The following NSD2 variants were observed in gnomAD, a reference collection of about 807,000 sequenced individuals.
NSD2 encodes histone-lysine N-methyltransferase NSD2.
A neutral mutation model predicts 139.0 loss-of-function variants in NSD2; 12 were observed. The ratio of observed to expected loss-of-function variants is 0.09; its 90% CI spans 0.06 to 0.14. The LOEUF is 0.14. NSD2 is among the 10% of genes least tolerant of loss of function. NSD2 has a pLI of 1.00. For missense variants in NSD2, 1,155 were observed against 1,745.0 expected, an observed-to-expected ratio of 0.66 and a Z score of 6.02; for synonymous variants, 669 against 648.7, an observed-to-expected ratio of 1.03 and a Z score of -0.48.
At chr4:1,907,877 A>G (rs1206575126) in intron 3 of NSD2, among the ~76,000 whole-genome samples, 1 of 152,068 alleles carries the variant, frequency 6.6e-6, no homozygotes, top group Admixed American at 6.6e-5. Context: ...TCCCAATGGG[A>G]TTACAGGCAT....
chr4:1,873,347 TG>T (rs1483574547), intron 1 of NSD2, among the ~76,000 whole-genome samples: 38 of 152,320 alleles, frequency 2.5e-4, no homozygotes, highest in African/African-American at 8.9e-4. Flanking sequence ...TTTGAAAGAA[TG>T]ATGGACAATT....
Position 1,946,392 on chromosome 4 carries a change from C to T in NSD2, c.1882-4680C>T, listed in dbSNP as rs371886313. The T allele has an allele frequency of 6.9e-4, 308 of 444,832 alleles. 5 individuals are homozygous for T. In the South Asian group the frequency reaches 0.025, roughly 37 times the overall value. 27.6% of individuals were successfully genotyped at this position (444,832 alleles called of 1,614,324 possible). On this transcript the variant is annotated intron_variant, in intron 9 of 21. Coordinates refer to ENST00000508803, the MANE Select transcript of NSD2 (RefSeq NM_001042424.3). ...CAGCAATTCTTCTGCCTCAGCCTCC[C>T]GAGTAGCTGGGACTACAAGCGGCTG... is the stretch of plus-strand genomic sequence containing the variant.
At chr4:1,969,728 G>A (rs972904155) in intron 18 of NSD2, among the ~76,000 whole-genome samples, 1 of 152,006 alleles carries the variant, frequency 6.6e-6, no homozygotes, top group Admixed American at 6.6e-5. Context: ...ACAAAATCCT[G>A]ACCCAAAACA....
chr4:1,949,757 C>T (rs1724017627), intron 9 of NSD2, among the ~76,000 whole-genome samples: 1 of 146,760 alleles, frequency 6.8e-6, no homozygotes, highest in South Asian at 2.2e-4. Flanking sequence ...GAGCAAGACT[C>T]TGTCTCGAGA....
chr4:1,898,321 G>A (rs1405512837), intron 1 of NSD2, among the ~76,000 whole-genome samples: 1 of 152,084 alleles, frequency 6.6e-6, no homozygotes, highest in African/African-American at 2.4e-5. Flanking sequence ...TCCTGGACTT[G>A]AGTGATCCTC....
At chr4:1,903,005 T>G (rs1717386692) in intron 2 of NSD2, among the ~76,000 whole-genome samples, 2 of 151,956 alleles carry the variant, frequency 1.3e-5, no homozygotes, top group African/African-American at 2.4e-5. Flanking sequence ...CGAGACCCGG[T>G]CTCTATAAAA....
intron 1 of NSD2, among the ~76,000 whole-genome samples, chr4:1,888,199 G>A (rs1261406365): frequency 1.3e-5 from 2 of 152,020 alleles, no homozygotes; most frequent in Admixed American, 1.3e-4. Context: ...GATCACCTGA[G>A]GTCAGGAGTT....
intron 17 of NSD2, among the ~76,000 whole-genome samples, 166 bp downstream of exon 17, chr4:1,959,906 G>A (rs562923839): frequency 6.6e-5 from 10 of 152,074 alleles, no homozygotes; most frequent in Non-Finnish European, 1.5e-4. Flanking sequence ...TGTCATCTAG[G>A]CTGGAGGGCA....
chr4:1,951,287 C>T, intron 10 of NSD2, 84 bp downstream of exon 10: 1 of 1,568,164 alleles, frequency 6.4e-7, no homozygotes, highest in Non-Finnish European at 8.7e-7. Context: ...AGTGTCTTTT[C>T]CCTTCCCACC....
chr4:1,948,136 A>AG lies in NSD2; in HGVS notation c.1882-2935dup. The AG allele has an allele frequency of 9.4e-7, 1 of 1,061,576 alleles. No individual in the cohort carries two copies. The highest frequency in any genetic ancestry group is 1.1e-6 in the Non-Finnish European group (1 of 876,644). The allele number at this position is 1,061,576 out of a possible 1,614,324, so 65.8% of individuals were successfully genotyped here. On this transcript the variant is annotated intron_variant, in intron 9 of 21. Coordinates refer to ENST00000508803, the MANE Select transcript of NSD2 (RefSeq NM_001042424.3). The surrounding 1 kb of genome is among the most constrained non-coding windows in gnomAD (Gnocchi z 4.5). ...CTTATTCTGAGTAGAGAGTGGAGAA[A>AG]GTATTTTCAGACTGAAGAAAACTTT...
intron 17 of NSD2, among the ~76,000 whole-genome samples, chr4:1,960,019 C>A (rs754194889): frequency 6.6e-6 from 1 of 151,992 alleles, no homozygotes; most frequent in Non-Finnish European, 1.5e-5. Flanking sequence ...TTTGACCATG[C>A]CCTAATAATT....
chr4:1,945,545 A>C (rs1723536292), intron 9 of NSD2: 1 of 1,065,208 alleles, frequency 9.4e-7, no homozygotes. Context: ...ATGATAAGAA[A>C]GTGCTCCTGA....
chr4:1,931,630 G>A (rs1721644758), intron 6 of NSD2, among the ~76,000 whole-genome samples: 1 of 152,140 alleles, frequency 6.6e-6, no homozygotes. Flanking sequence ...GGGCCCAGAA[G>A]CGAAAGGGTC....
rs1353828272 is a variant in NSD2 at position 1,955,404 on chromosome 4, C to T, written c.2518+64C>T. 1 of 1,533,102 alleles carries T rather than the reference C, an allele frequency of 6.5e-7. No homozygotes were observed. Among genetic ancestry groups the T allele is most frequent in the Non-Finnish European group, 8.8e-7 (1 of 1,136,284 alleles). The allele number at this position is 1,533,102 out of a possible 1,614,324, so 95.0% of individuals were successfully genotyped here. ...CACTCCCAGGAGCCACATATCAAGG[C>T]AGGCTCATTCCTTGTCTGCGCTGTG... On this transcript the variant is annotated intron_variant, in intron 13 of 21. Coordinates refer to ENST00000508803, the MANE Select transcript of NSD2 (RefSeq NM_001042424.3). This position sits in a 1 kb window ranked among gnomAD's most constrained non-coding sequence, Gnocchi z 4.7.
rs752161799 is a variant in NSD2, at chr4:1,978,862, A to G, written c.4051A>G (p.Lys1351Glu). ...PPPEPGKPKGKRRRRRGWRRV... is the reference protein window; with the variant it reads ...PPPEPGKPKGERRRRRGWRRV... ...CCCAGAGCCAGGGAAGCCGAAGGGG[A>G]AGAGGCGGCGGCGGAGGGGCTGGCG... The change falls in exon 22 of 22, where the codon AAG (lysine) becomes GAG (glutamate). Residue 1351 changes from lysine (K) to glutamate (E), a missense_variant. By Grantham distance (56) the Lys-to-Glu change is moderately conservative. Transcript: ENST00000508803. 3 of 1,597,976 alleles carry G rather than the reference A, an allele frequency of 1.9e-6. No individual in the cohort carries two copies. Among genetic ancestry groups the G allele is most frequent in the Non-Finnish European group, 2.6e-6 (3 of 1,169,550 alleles).
chr4:1,930,567 C>G (rs895233488), intron 5 of NSD2, 59 bp from the exon 6 acceptor site: 12 of 1,507,544 alleles, frequency 8.0e-6, no homozygotes, highest in Non-Finnish European at 9.8e-6. Flanking sequence ...TCATGCAAAA[C>G]AAAACCCAAT....
intron 1 of NSD2, among the ~76,000 whole-genome samples, chr4:1,873,429 G>A (rs1010975109): frequency 5.3e-5 from 8 of 152,168 alleles, no homozygotes; most frequent in Admixed American, 2.0e-4. Flanking sequence ...AAATTATAAG[G>A]TCAGCAGGCT....
chr4:1,929,644 CTGT>C (rs1361123167), intron 5 of NSD2, among the ~76,000 whole-genome samples: 4 of 152,168 alleles, frequency 2.6e-5, no homozygotes, highest in Non-Finnish European at 5.9e-5. Flanking sequence ...TTTGTGGGCA[CTGT>C]TGTTTGAATT....
intron 8 of NSD2, 58 bp downstream of exon 8, chr4:1,938,590 G>T: frequency 1.5e-6 from 2 of 1,324,064 alleles, no homozygotes; most frequent in South Asian, 2.4e-5. Context: ...TGGGCTGGGT[G>T]GGTGGGCTGA....
Sources: allele counts gnomAD v4.1 joint callset (sites outside exome capture counted in the v4.1 genomes callset), GRCh38; gene constraint gnomAD v4.1.1; non-coding constraint Gnocchi (gnomAD v3.1); transcripts MANE v1.5; gene names NCBI Gene and HGNC (gene_info 2026-07-23, HGNC 2026-07-21).